Variants in P2RX5 observed in about 807,000 individuals in gnomAD.
P2RX5 encodes the protein purinergic receptor P2X 5.
In P2RX5, 46 loss-of-function variants were observed where a neutral mutation model predicts 54.1. The ratio of observed to expected loss-of-function variants is 0.85; its 90% CI spans 0.67 to 1.09. The LOEUF is 1.09. Ranked by LOEUF, P2RX5 falls within the 50% of genes least tolerant of loss-of-function variation. The pLI, the probability that P2RX5 is intolerant of heterozygous loss-of-function variation, is 0.00. For missense variants in P2RX5, 566 were observed against 549.8 expected (o/e 1.03, Z -0.29); for synonymous variants, 226 against 226.4 (o/e 1.00, Z 0.02).
upstream of P2RX5, among the ~76,000 whole-genome samples, chr17:3,697,415 G>A (rs990794588): frequency 3.9e-5 from 6 of 152,134 alleles, no homozygotes; most frequent in African/African-American, 1.4e-4. Flanking sequence ...GTGTGGTGAG[G>A]AGCTGCGCAC....
chr17:3,711,057 A>G, the P2RX5 span, among the ~76,000 whole-genome samples: 1 of 152,202 alleles, frequency 6.6e-6, no homozygotes, highest in Non-Finnish European at 1.5e-5. Flanking sequence ...TCTTGGATCT[A>G]TGCAAGCTCT....
chr17:3,715,770 G>T, the P2RX5 span, among the ~76,000 whole-genome samples: 11 of 152,192 alleles, frequency 7.2e-5, no homozygotes, highest in South Asian at 1.9e-3. Context: ...ACTAAGATGG[G>T]AGGATCACCT....
chr17:3,675,588 G>A (rs1232902576), intron 11 of P2RX5: 1 of 971,938 alleles, frequency 1.0e-6, no homozygotes, highest in Non-Finnish European at 1.2e-6. Context: ...GAGTCTCACT[G>A]TCGCCCAGGC....
chr17:3,691,037 C>G lies in P2RX5; in HGVS notation c.289-10G>C, dbSNP rs755188447. The G allele has an allele frequency of 3.1e-6, 5 of 1,606,766 alleles. No individual in the cohort carries two copies. Among genetic ancestry groups the G allele is most frequent in the Non-Finnish European group, 4.3e-6 (5 of 1,174,812 alleles). ...AAAAGACGTTCTCTCCCTAAGGAAC[C>G]AGAGAGGCACTGAGGAACCTCCTCC... On this transcript the variant is annotated splice_polypyrimidine_tract_variant and intron_variant, in intron 2 of 11. Coordinates refer to ENST00000225328, the MANE Select transcript of P2RX5 (RefSeq NM_002561.4).
intron 9 of P2RX5, among the ~76,000 whole-genome samples, chr17:3,684,307 A>G (rs568416154): frequency 5.3e-5 from 8 of 152,344 alleles, no homozygotes; most frequent in South Asian, 4.1e-4. Flanking sequence ...GAATGCTCTT[A>G]AACATCCTAC....
At chr17:3,714,456 G>C in the P2RX5 span, among the ~76,000 whole-genome samples, 1 of 151,424 alleles carries the variant, frequency 6.6e-6, no homozygotes, top group Non-Finnish European at 1.5e-5. Context: ...TCGATCTCTT[G>C]ACCTCGTGAT....
At chr17:3,704,102 C>CAAAA in the P2RX5 span, among the ~76,000 whole-genome samples, 1,010 of 39,632 alleles carry the variant, frequency 0.025, 7 homozygotes, top group Middle Eastern at 0.13. Context: ...AACTCTGCCT[C>CAAAA]AAAAAAACAA....
intron 9 of P2RX5, among the ~76,000 whole-genome samples, chr17:3,684,879 C>A (rs929820159): frequency 9.8e-6 from 1 of 101,672 alleles, no homozygotes; most frequent in African/African-American, 3.8e-5. Context: ...GAGTTTTGCT[C>A]TTGTTGTCCA....
chr17:3,689,064 C>T (rs1442112245), intron 7 of P2RX5, among the ~76,000 whole-genome samples: 1 of 152,374 alleles, frequency 6.6e-6, no homozygotes, highest in African/African-American at 2.4e-5. Context: ...GCCTCACCTT[C>T]GGCTGGTGCC....
the P2RX5 span, among the ~76,000 whole-genome samples, chr17:3,718,870 C>T: frequency 3.5e-4 from 54 of 152,200 alleles, no homozygotes; most frequent in African/African-American, 1.3e-3. Context: ...CTGGGCAGTG[C>T]AATAATGGGG....
At chr17:3,701,784 C>A in the P2RX5 span, among the ~76,000 whole-genome samples, 1 of 120,502 alleles carries the variant, frequency 8.3e-6, no homozygotes. Flanking sequence ...AAGACAGAGT[C>A]TTGCTCTGTC....
In P2RX5 at chr17:3,676,361, G is replaced by A. The variant is rs552146144; in HGVS notation, c.1260-2484C>T. ...TGTGTAAGAAACCACACGAGTTTTCGGCAAAATCAGGGAGCCTCCTGCATT... is the reference window on the plus strand; with the variant it reads ...TGTGTAAGAAACCACACGAGTTTTCAGCAAAATCAGGGAGCCTCCTGCATT... On this transcript the variant is annotated intron_variant, in intron 11 of 11. Coordinates refer to ENST00000225328, the MANE Select transcript of P2RX5 (RefSeq NM_002561.4). 30 of 985,408 alleles carry A rather than the reference G, an allele frequency of 3.0e-5. No individual in the cohort carries two copies. In the East Asian group the frequency reaches 9.1e-4, roughly 30 times the overall value. The allele number at this position is 985,408 out of a possible 1,614,324, so 61.0% of individuals were successfully genotyped here.
intron 10 of P2RX5, among the ~76,000 whole-genome samples, chr17:3,680,964 C>T (rs1346054458): frequency 6.9e-6 from 1 of 145,570 alleles, no homozygotes; most frequent in Admixed American, 6.7e-5. Context: ...ACCCAGCGTC[C>T]TCCACCCTGC....
chr17:3,711,040 T>TCA, the P2RX5 span, among the ~76,000 whole-genome samples: 1 of 152,194 alleles, frequency 6.6e-6, no homozygotes, highest in Non-Finnish European at 1.5e-5. Context: ...ATGGCATGAC[T>TCA]CACTGTTCTT....
chr17:3,684,642 G>A (rs1001002859), intron 9 of P2RX5, among the ~76,000 whole-genome samples: 8 of 144,904 alleles, frequency 5.5e-5, no homozygotes, highest in African/African-American at 2.0e-4. Context: ...ATATAGTATC[G>A]ACCAGAAAAG....
At chr17:3,677,193 C>A in intron 11 of P2RX5, 1 of 985,344 alleles carries the variant, frequency 1.0e-6, no homozygotes. Context: ...GCCTCCCTAA[C>A]TCAGCCCGTT....
At chr17:3,683,107 CAAA>C (rs772238808) in intron 9 of P2RX5, among the ~76,000 whole-genome samples, 1 of 152,102 alleles carries the variant, frequency 6.6e-6, no homozygotes, top group African/African-American at 2.4e-5. Flanking sequence ...CCCTCACACC[CAAA>C]ACGTGCCCTA....
In P2RX5 at chr17:3,679,699, G is replaced by A; in HGVS notation, c.1150C>T (p.Leu384=). The A allele has an allele frequency of 6.2e-7, 1 of 1,612,166 alleles. No individual in the cohort carries two copies. Among genetic ancestry groups the A allele is most frequent in the South Asian group, 1.1e-5 (1 of 91,084 alleles). The change falls in exon 11 of 12, where the codon CTG becomes TTG. Residue 384 remains leucine, a synonymous_variant. Coordinates refer to ENST00000225328, the MANE Select transcript of P2RX5 (RefSeq NM_002561.4). ...AGCTCCTGCTGCTCCGGCATCCCCA[G>A]CAGCCCTGGCCCAGATGTGAGCTGC... The part of the protein sequence containing the change: ...SEQLTSGPGL[L]GMPEQQELQE...
chr17:3,719,954 G>A, the P2RX5 span, among the ~76,000 whole-genome samples: 1 of 152,070 alleles, frequency 6.6e-6, no homozygotes, highest in African/African-American at 2.4e-5. Context: ...TTGAACTTCT[G>A]ACCTCAGGTG....
Sources: gnomAD v4.1 joint callset for allele counts (sites outside exome capture counted in the v4.1 genomes callset) on GRCh38, gnomAD v4.1.1 for gene constraint, MANE v1.5 for transcripts, NCBI Gene and HGNC (gene_info 2026-07-23, HGNC 2026-07-21) for gene names.